SRP68: variants seen among roughly 807,000 people sequenced by gnomAD.
SRP68 encodes signal recognition particle subunit SRP68.
In SRP68, 15 loss-of-function variants were observed where a neutral mutation model predicts 82.2. The ratio of observed to expected loss-of-function variants is 0.18; its 90% CI spans 0.12 to 0.28. The LOEUF is 0.28. Among genes scored for constraint, SRP68 ranks in the 10% least tolerant of loss-of-function variants. The pLI, the probability that SRP68 is intolerant of heterozygous loss-of-function variation, is 1.00. For synonymous variants in SRP68, 261 were observed against 292.6 expected, an observed-to-expected ratio of 0.89 and a Z score of 1.10; for missense variants, 595 against 780.5, an observed-to-expected ratio of 0.76 and a Z score of 2.83.
chr17:76,071,754 G>C lies in SRP68; in HGVS notation c.184+554C>G, dbSNP rs2144538514. 6.6e-6 allele frequency among the ~76,000 whole-genome samples: 1 copy of C among 152,296 alleles called. No individual in the cohort carries two copies. Among genetic ancestry groups the C allele is most frequent in the Middle Eastern group, 3.4e-3 (1 of 294 alleles). Reference sequence around the variant, plus strand: ...ATTCCTCCAGCTTATATGAATGACTGTCAGCAAGATAAAATGCCTACAGAC... The same window carrying C: ...ATTCCTCCAGCTTATATGAATGACTCTCAGCAAGATAAAATGCCTACAGAC... On this transcript the variant is annotated intron_variant, in intron 1 of 15. Transcript: ENST00000307877. This position sits in a 1 kb window ranked among gnomAD's most constrained non-coding sequence, Gnocchi z 4.7.
chr17:76,068,798 A>G (rs972194015), intron 2 of SRP68, among the ~76,000 whole-genome samples: 2 of 152,018 alleles, frequency 1.3e-5, no homozygotes, highest in Non-Finnish European at 2.9e-5. Flanking sequence ...GAGTCTCACT[A>G]TGTTGCTGTT....
chr17:76,066,552 C>T (rs1302213203), intron 3 of SRP68, among the ~76,000 whole-genome samples: 1 of 151,522 alleles, frequency 6.6e-6, no homozygotes, highest in Admixed American at 6.6e-5. Flanking sequence ...AGAAACCTTA[C>T]CTAATAATCA....
chr17:76,070,306 A>C, intron 2 of SRP68, 72 bp downstream of exon 2: 2 of 1,176,354 alleles, frequency 1.7e-6, no homozygotes, highest in Non-Finnish European at 2.5e-6. Flanking sequence ...GATATAGCAG[A>C]GTAAACAGGA....
chr17:76,043,733 C>T (rs2066608741), intron 13 of SRP68, 96 bp downstream of exon 13: 1 of 1,387,246 alleles, frequency 7.2e-7, no homozygotes, highest in South Asian at 1.5e-5. Context: ...GAGGACCAGC[C>T]TGAGGTGGCG....
chr17:76,072,485 C>G lies in SRP68; in HGVS notation c.7G>C (p.Ala3Pro). 1 of 1,584,094 alleles carries G rather than the reference C, an allele frequency of 6.3e-7. No homozygotes were observed. The highest frequency in any genetic ancestry group is 8.5e-7 in the Non-Finnish European group (1 of 1,172,796). MA[A>P]EKQVPGGGGG... Reference sequence around the variant, plus strand: ...CCGCCGCCTGGGACCTGCTTCTCAGCAGCCATCTTGCCCCTGCGCCGCAGA... The same window carrying G: ...CCGCCGCCTGGGACCTGCTTCTCAGGAGCCATCTTGCCCCTGCGCCGCAGA... The change falls in exon 1 of 16, where the codon GCT becomes CCT. Residue 3 changes from alanine (A) to proline (P), a missense_variant. Coordinates refer to ENST00000307877, the MANE Select transcript of SRP68 (RefSeq NM_014230.4). The surrounding 1 kb of genome is among the most constrained non-coding windows in gnomAD (Gnocchi z 4.5).
In SRP68 at chr17:76,039,296, C is replaced by T. The variant is rs756619254; in HGVS notation, c.*410G>A. On this transcript the variant is annotated 3_prime_UTR_variant, in exon 16 of 16. Transcript: ENST00000307877. ...TAGTCATAGATAAACTTCTCAAGGGCTCCTGGATGCTCACAGCAAGGATGA... is the reference window on the plus strand; with the variant it reads ...TAGTCATAGATAAACTTCTCAAGGGTTCCTGGATGCTCACAGCAAGGATGA... 1 of 461,880 alleles carries T rather than the reference C, an allele frequency of 2.2e-6. No individual in the cohort carries two copies. Among genetic ancestry groups the T allele is most frequent in the South Asian group, 1.5e-5 (1 of 64,560 alleles). 28.6% of individuals were successfully genotyped at this position (461,880 alleles called of 1,614,324 possible).
rs2066768158 is a variant in SRP68, at chr17:76,062,648, C to CAT, written c.562-1076_562-1075dup. Reference sequence around the variant, plus strand: ...TATACATTATATATTATATAATATACATTATATATTATATAATATACATTA... The same window carrying CAT: ...TATACATTATATATTATATAATATACATATTATATATTATATAATATACATTA... On this transcript the variant is annotated intron_variant, in intron 4 of 15. Transcript: ENST00000307877. 2.2e-4 allele frequency among the ~76,000 whole-genome samples: 5 copies of CAT among 22,244 alleles called. 1 individual carries two copies. The African/African-American group carries it at 7.4e-3, about 33-fold the overall frequency. The allele number at this position is 22,244 out of a possible 152,430, so 14.6% of individuals were successfully genotyped here.
At chr17:76,044,269 C>T (rs1392820520) in intron 12 of SRP68, among the ~76,000 whole-genome samples, 4 of 152,186 alleles carry the variant, frequency 2.6e-5, no homozygotes, top group African/African-American at 7.2e-5. Flanking sequence ...GAAGGAAGAA[C>T]GCTGCCCGGC....
At chr17:76,042,609 G>C (rs2066600299) in intron 13 of SRP68, among the ~76,000 whole-genome samples, 1 of 151,818 alleles carries the variant, frequency 6.6e-6, no homozygotes, top group South Asian at 2.1e-4. Flanking sequence ...TTTTGAGATG[G>C]AGTCTTGCTC....
At chr17:76,064,266 T>A in intron 3 of SRP68, 95 bp from the exon 4 acceptor site, 1 of 1,115,804 alleles carries the variant, frequency 9.0e-7, no homozygotes, top group Non-Finnish European at 1.3e-6. Flanking sequence ...CTTTTCTTTA[T>A]ACTCTCCCGC....
At chr17:76,056,152 G>T (rs1598264320) in intron 8 of SRP68, among the ~76,000 whole-genome samples, 1 of 152,010 alleles carries the variant, frequency 6.6e-6, no homozygotes, top group African/African-American at 2.4e-5. Flanking sequence ...AGCTTTTCCT[G>T]TTCTTCATTT....
intron 14 of SRP68, chr17:76,040,677 G>A: frequency 1.5e-6 from 1 of 663,760 alleles, no homozygotes; most frequent in South Asian, 1.8e-5. Flanking sequence ...AGTGAAGCCA[G>A]CACAGTTGCA....
At chr17:76,069,951 C>T (rs1316909546) in intron 2 of SRP68, among the ~76,000 whole-genome samples, 1 of 151,632 alleles carries the variant, frequency 6.6e-6, no homozygotes, top group African/African-American at 2.4e-5. Context: ...GTGGCACATG[C>T]CTATAATCCC....
At chr17:76,070,344 A>G in intron 2 of SRP68, 34 bp downstream of exon 2, 3 of 1,577,848 alleles carry the variant, frequency 1.9e-6, no homozygotes, top group Non-Finnish European at 1.7e-6. Context: ...CAAGTCCCAC[A>G]ATGATTTCCA....
chr17:76,060,648 GTGAACCC>G, intron 6 of SRP68: 1 of 420,994 alleles, frequency 2.4e-6, no homozygotes, highest in Non-Finnish European at 4.2e-6. Context: ...AACATCAAGC[GTGAACCC>G]TGATGTAAAC....
At chr17:76,065,362 A>G (rs972652130) in intron 3 of SRP68, among the ~76,000 whole-genome samples, 2 of 150,258 alleles carry the variant, frequency 1.3e-5, no homozygotes, top group African/African-American at 4.9e-5. Flanking sequence ...AGGGTGAGAC[A>G]GGAGTTGTTC....
At position 76,043,047 on chromosome 17, in the gene SRP68, C is replaced by T. The variant is rs796528660; in HGVS notation, c.1524+782G>A. Among the ~76,000 whole-genome samples, 9 of 152,056 alleles carry T rather than the reference C, an allele frequency of 5.9e-5. No homozygotes were observed. In the South Asian group the frequency reaches 8.3e-4, roughly 14 times the overall value. ...GGAGGACTGCTTGAGGCCAGGAGTT[C>T]GAGGCCATGAGTTCAAGGCCAGCCT... is the stretch of plus-strand genomic sequence containing the variant. On this transcript the variant is annotated intron_variant, in intron 13 of 15. Transcript: ENST00000307877.
At chr17:76,052,621 G>A (rs905867474) in intron 8 of SRP68, among the ~76,000 whole-genome samples, 3 of 151,332 alleles carry the variant, frequency 2.0e-5, no homozygotes, top group South Asian at 4.2e-4. Flanking sequence ...TGGCTAACAC[G>A]ATGAAACCCC....
At position 76,047,959 on chromosome 17, in the gene SRP68, ATC is replaced by A; in HGVS notation, c.1087_1088del (p.Asp363LeufsTer4). Reference sequence around the variant, plus strand: ...TCCCTGGCTCTCCTTCAAGGATATAATCTCTCTGTTTCTGCAGAAAGTGAAAA... The same window carrying A: ...TCCCTGGCTCTCCTTCAAGGATATAATCTCTGTTTCTGCAGAAAGTGAAAA... Reference protein sequence around the residue: ...EELKPDQKQRDYILEGEPGKV... With the variant: ...EELKPDQKQRXYILEGEPGKV... On this transcript the variant is annotated frameshift_variant, in exon 10 of 16. Coordinates refer to ENST00000307877, the MANE Select transcript of SRP68 (RefSeq NM_014230.4). LOFTEE classifies it high-confidence loss of function. The A allele has an allele frequency of 1.3e-6, 2 of 1,576,260 alleles. No individual in the cohort carries two copies. Among genetic ancestry groups the A allele is most frequent in the Non-Finnish European group, 1.7e-6 (2 of 1,157,862 alleles).
Sources: allele counts gnomAD v4.1 joint callset (sites outside exome capture counted in the v4.1 genomes callset), GRCh38; gene constraint gnomAD v4.1.1; non-coding constraint Gnocchi (gnomAD v3.1); transcripts MANE v1.5; gene names NCBI Gene and HGNC (gene_info 2026-07-23, HGNC 2026-07-21).